The following CCSER1 variants were observed in gnomAD, a reference collection of about 807,000 sequenced individuals.
The protein encoded by CCSER1 is serine-rich coiled-coil domain-containing protein 1.
A neutral mutation model predicts 82.0 loss-of-function variants in CCSER1; 41 were observed. The ratio of observed to expected loss-of-function variants is 0.50; its 90% CI spans 0.39 to 0.65. The LOEUF (loss-of-function observed/expected upper bound fraction) is 0.65, where lower values mean the gene tolerates loss of function less well. Ranked by LOEUF, CCSER1 falls within the 30% of genes least tolerant of loss-of-function variation. The pLI is 0.00. For missense variants in CCSER1, 1,119 were observed against 1,064.2 expected, an observed-to-expected ratio of 1.05 and a Z score of -0.72; for synonymous variants, 414 against 383.9, an observed-to-expected ratio of 1.08 and a Z score of -0.92.
chr4:90,877,939 C>T (rs1187079996), intron 8 of CCSER1, among the ~76,000 whole-genome samples: 2 of 152,080 alleles, frequency 1.3e-5, no homozygotes, highest in Non-Finnish European at 1.5e-5. Flanking sequence ...CCAAATTATA[C>T]ATTCTAATGG....
At chr4:91,167,034 CCCTAAAGTACA>C (rs1732154447) in intron 10 of CCSER1, among the ~76,000 whole-genome samples, 1 of 151,984 alleles carries the variant, frequency 6.6e-6, no homozygotes, top group Non-Finnish European at 1.5e-5. Context: ...AGCTTTTACT[CCCTAAAGTACA>C]AAGACAAATA....
intron 8 of CCSER1, among the ~76,000 whole-genome samples, chr4:90,890,692 T>C (rs1004311192): frequency 6.6e-6 from 1 of 152,196 alleles, no homozygotes; most frequent in Non-Finnish European, 1.5e-5. Context: ...CCTTTGGATG[T>C]ACTTCTGTTT....
chr4:91,115,898 C>T (rs1726547685), intron 10 of CCSER1, among the ~76,000 whole-genome samples: 1 of 137,640 alleles, frequency 7.3e-6, no homozygotes, highest in Non-Finnish European at 1.5e-5. Context: ...GGTACATGTG[C>T]ACAAAGTGCA....
chr4:90,891,077 A>G (rs1220760965), intron 8 of CCSER1, among the ~76,000 whole-genome samples: 1 of 152,226 alleles, frequency 6.6e-6, no homozygotes, highest in Admixed American at 6.5e-5. Context: ...TGTAAATTAG[A>G]TAATTTCCAA....
chr4:90,902,245 A>C (rs1213621651), intron 8 of CCSER1, among the ~76,000 whole-genome samples: 1 of 151,690 alleles, frequency 6.6e-6, no homozygotes, highest in Admixed American at 6.6e-5. Flanking sequence ...CTTGGATCAC[A>C]CTGAATTTCC....
At chr4:91,232,166 A>G (rs1157217319) in intron 10 of CCSER1, among the ~76,000 whole-genome samples, 1 of 151,890 alleles carries the variant, frequency 6.6e-6, no homozygotes, top group African/African-American at 2.4e-5. Flanking sequence ...CAAGTAAATA[A>G]TATTTTTCAA....
At chr4:91,169,633 A>T (rs1419082001) in intron 10 of CCSER1, among the ~76,000 whole-genome samples, 1 of 152,178 alleles carries the variant, frequency 6.6e-6, no homozygotes, top group East Asian at 1.9e-4. Flanking sequence ...AAAATAAATA[A>T]GTAAACTTGT....
intron 4 of CCSER1, among the ~76,000 whole-genome samples, chr4:90,442,239 G>A (rs1759993971): frequency 6.6e-6 from 1 of 152,068 alleles, no homozygotes; most frequent in African/African-American, 2.4e-5. Context: ...ACTTAATACA[G>A]GATCTCCCTC....
At chr4:90,706,097 T>C (rs1402418001) in intron 6 of CCSER1, among the ~76,000 whole-genome samples, 1 of 152,210 alleles carries the variant, frequency 6.6e-6, no homozygotes, top group African/African-American at 2.4e-5. Context: ...GAGCTGTTCC[T>C]ATTCAGCCAT....
At chr4:90,894,741 T>G (rs1723454426) in intron 8 of CCSER1, among the ~76,000 whole-genome samples, 2 of 151,986 alleles carry the variant, frequency 1.3e-5, no homozygotes, top group African/African-American at 2.4e-5. Context: ...TTCTCATACT[T>G]ACAAGTGCCA....
intron 4 of CCSER1, among the ~76,000 whole-genome samples, chr4:90,466,591 G>A (rs762084898): frequency 1.3e-5 from 2 of 152,156 alleles, no homozygotes; most frequent in Non-Finnish European, 2.9e-5. Context: ...CTGATCTCTA[G>A]AACTGTGAAA....
chr4:91,268,416 T>C (rs1321064800), intron 10 of CCSER1, among the ~76,000 whole-genome samples: 2 of 152,180 alleles, frequency 1.3e-5, no homozygotes, highest in African/African-American at 4.8e-5. Flanking sequence ...AAATCTGTTA[T>C]TTTTTTCTTT....
chr4:90,991,120 T>C (rs1328132233), intron 9 of CCSER1, among the ~76,000 whole-genome samples: 1 of 151,874 alleles, frequency 6.6e-6, no homozygotes, highest in Non-Finnish European at 1.5e-5. Flanking sequence ...GATCCTGTTC[T>C]TTTGTCTCTT....
intron 10 of CCSER1, among the ~76,000 whole-genome samples, chr4:91,461,530 A>C (rs1756500046): frequency 6.6e-6 from 1 of 152,132 alleles, no homozygotes; most frequent in Admixed American, 6.5e-5. Context: ...GCATTGTCAA[A>C]CCCCTTACCA....
chr4:91,518,412 T>C (rs897383992), intron 10 of CCSER1, among the ~76,000 whole-genome samples: 16 of 152,166 alleles, frequency 1.1e-4, no homozygotes, highest in African/African-American at 3.6e-4. Context: ...TGCAGCTTTC[T>C]GGAGGTGTGG....
At chr4:91,182,483 C>A (rs185904263) in intron 10 of CCSER1, among the ~76,000 whole-genome samples, 1 of 152,160 alleles carries the variant, frequency 6.6e-6, no homozygotes, top group Non-Finnish European at 1.5e-5. Flanking sequence ...GTTGCATCTG[C>A]GGTCTTCCAT....
intron 9 of CCSER1, among the ~76,000 whole-genome samples, chr4:90,974,412 T>G (rs1581241007): frequency 6.6e-6 from 1 of 151,080 alleles, no homozygotes; most frequent in African/African-American, 2.4e-5. Flanking sequence ...CAATTTTTAT[T>G]TTTTCAATTA....
At chr4:90,901,450 G>A (rs1250690989) in intron 8 of CCSER1, among the ~76,000 whole-genome samples, 1 of 151,856 alleles carries the variant, frequency 6.6e-6, no homozygotes, top group Non-Finnish European at 1.5e-5. Context: ...TCCATGTTTA[G>A]AATTCCTTTG....
chr4:90,816,631 A>G (rs1022489966), intron 8 of CCSER1, among the ~76,000 whole-genome samples: 2 of 152,118 alleles, frequency 1.3e-5, no homozygotes, highest in East Asian at 1.9e-4. Flanking sequence ...TCATTTTTAC[A>G]CTAATAATAG....
Sources: allele counts gnomAD v4.1 joint callset (sites outside exome capture counted in the v4.1 genomes callset), GRCh38; gene constraint gnomAD v4.1.1; transcripts MANE v1.5; gene names NCBI Gene and HGNC (gene_info 2026-07-23, HGNC 2026-07-21).